Variants in SNTG2 observed in about 807,000 individuals in gnomAD.
SNTG2 encodes the protein gamma-2-syntrophin.
In SNTG2, 74 loss-of-function variants were observed where a neutral mutation model predicts 70.9. That is an observed-to-expected ratio of 1.04 (90% confidence interval 0.86 to 1.27). SNTG2 has a LOEUF of 1.27. Ranked by LOEUF, SNTG2 falls within the 50% of genes most tolerant of loss-of-function variation. The probability of loss-of-function intolerance (pLI) is 0.00; values close to 1 mark genes in which losing one functional copy is unlikely to be tolerated. For synonymous variants in SNTG2, 278 were observed against 273.8 expected (o/e 1.02, Z -0.15); for missense variants, 717 against 690.7 (o/e 1.04, Z -0.43).
chr2:996,878 T>G (rs1430706499), intron 1 of SNTG2, among the ~76,000 whole-genome samples: 1 of 152,012 alleles, frequency 6.6e-6, no homozygotes, highest in Non-Finnish European at 1.5e-5. Context: ...TTATTTAATA[T>G]TAATAATGTA....
At chr2:1,024,065 G>T (rs1350620370) in intron 1 of SNTG2, among the ~76,000 whole-genome samples, 1 of 152,198 alleles carries the variant, frequency 6.6e-6, no homozygotes, top group Non-Finnish European at 1.5e-5. Context: ...CAACAGTCCT[G>T]CTCTCGTGGA....
chr2:1,018,716 G>A (rs1360179454), intron 1 of SNTG2, among the ~76,000 whole-genome samples: 1 of 152,140 alleles, frequency 6.6e-6, no homozygotes, highest in Non-Finnish European at 1.5e-5. Context: ...GCCAATGCAT[G>A]CTCAAGTGGC....
Position 1,208,326 on chromosome 2 carries a change from T to C in SNTG2, c.592-777T>C, listed in dbSNP as rs891776176. On this transcript the variant is annotated intron_variant, in intron 8 of 16. Transcript: ENST00000308624. ...CATCTGTGTGAGGCACGTCCATGAGTGTGGGGCACACCTGTGAGGCGCGTT... is the reference window on the plus strand; with the variant it reads ...CATCTGTGTGAGGCACGTCCATGAGCGTGGGGCACACCTGTGAGGCGCGTT... Among the ~76,000 whole-genome samples the C allele has an allele frequency of 5.2e-5, 5 of 96,312 alleles. 1 individual carries two copies. Among genetic ancestry groups the C allele is most frequent in the African/African-American group, 1.9e-4 (5 of 26,528 alleles). 63.2% of individuals were successfully genotyped at this position (96,312 alleles called of 152,430 possible).
chr2:1,289,292 A>C (rs1195083621), intron 14 of SNTG2, among the ~76,000 whole-genome samples: 1 of 151,766 alleles, frequency 6.6e-6, no homozygotes, highest in African/African-American at 2.4e-5. Context: ...CACCTTCAAA[A>C]TGTCTCCTTC....
chr2:1,312,627 A>G (rs914982338), intron 15 of SNTG2, among the ~76,000 whole-genome samples: 1 of 152,126 alleles, frequency 6.6e-6, no homozygotes, highest in Non-Finnish European at 1.5e-5. Context: ...TCTTGGGGAC[A>G]CGTTGAAAAG....
At chr2:1,018,543 G>A (rs1020492206) in intron 1 of SNTG2, among the ~76,000 whole-genome samples, 39 of 152,116 alleles carry the variant, frequency 2.6e-4, no homozygotes, top group Non-Finnish European at 1.5e-4. Context: ...TGCATGGTGG[G>A]CAGGGTTGGG....
At chr2:1,197,549 G>GTGTATATGTATA (rs1553353498) in intron 8 of SNTG2, among the ~76,000 whole-genome samples, 2 of 138,622 alleles carry the variant, frequency 1.4e-5, no homozygotes, top group Non-Finnish European at 3.1e-5. Flanking sequence ...GTGTGTGTGT[G>GTGTATATGTATA]TATATTTGAT....
At position 1,267,508 on chromosome 2, in the gene SNTG2, C is replaced by T. The variant is rs371127892; in HGVS notation, c.1221C>T (p.Ser407=). 4.9e-5 allele frequency: 79 copies of T among 1,613,810 alleles called. 1 individual carries two copies. Among genetic ancestry groups the T allele is most frequent in the East Asian group, 2.7e-4 (12 of 44,868 alleles). The stretch of plus-strand genomic sequence containing the variant: ...ATGTTTTCAACGTGGAGCTTGGCAG[C>T]GAGCTGGCCATGTGGGAGAAGTCCT... ...KSHVFNVELG[S]ELAMWEKSFQ... Residue 407 remains serine, a synonymous_variant, in exon 14 of 17, where the codon AGC becomes AGT. Transcript: ENST00000308624.
At chr2:1,276,565 A>G (rs773097501) in intron 14 of SNTG2, among the ~76,000 whole-genome samples, 1 of 152,208 alleles carries the variant, frequency 6.6e-6, no homozygotes, top group South Asian at 2.1e-4. Flanking sequence ...CTTTCAAAAT[A>G]TTACAACTCA....
intron 1 of SNTG2, among the ~76,000 whole-genome samples, chr2:1,045,672 G>A (rs1433157723): frequency 6.6e-6 from 1 of 152,054 alleles, no homozygotes; most frequent in Non-Finnish European, 1.5e-5. Flanking sequence ...TTTAATTTCA[G>A]TGTAAGTGTA....
chr2:1,040,425 T>C (rs981619000), intron 1 of SNTG2, among the ~76,000 whole-genome samples: 6 of 152,152 alleles, frequency 3.9e-5, no homozygotes, highest in Non-Finnish European at 8.8e-5. Context: ...AGCTTTCCCC[T>C]TCCCGCCACC....
intron 16 of SNTG2, among the ~76,000 whole-genome samples, chr2:1,350,173 G>A (rs1203951889): frequency 1.3e-5 from 2 of 152,002 alleles, no homozygotes; most frequent in East Asian, 3.9e-4. Flanking sequence ...ATGCCTATTA[G>A]GATAATTATG....
intron 2 of SNTG2, among the ~76,000 whole-genome samples, chr2:1,084,819 T>A (rs903847553): frequency 1.3e-5 from 2 of 152,282 alleles, no homozygotes; most frequent in South Asian, 4.1e-4. Flanking sequence ...GATCACTGTG[T>A]CCTTGGGTGG....
At chr2:1,215,559 CTTTT>C (rs201938266) in intron 9 of SNTG2, among the ~76,000 whole-genome samples, 1 of 132,570 alleles carries the variant, frequency 7.5e-6, no homozygotes, top group Non-Finnish European at 1.6e-5. Flanking sequence ...TCTTTTTTTT[CTTTT>C]TTTTATTATA....
chr2:1,219,830 T>A (rs1674636123), intron 9 of SNTG2: 1 of 152,070 alleles, frequency 6.6e-6, no homozygotes, highest in African/African-American at 2.4e-5. Context: ...TTTTTAAAAA[T>A]ACAATGAAAT....
Position 1,349,454 on chromosome 2 carries a change from C to T in SNTG2, c.1489-17889C>T, listed in dbSNP as rs12622063. ...TTCAGGTTCCTACCACAATGCTAACCTTGTGGCCCTTCATTAATTATACAA... is the reference window on the plus strand; with the variant it reads ...TTCAGGTTCCTACCACAATGCTAACTTTGTGGCCCTTCATTAATTATACAA... On this transcript the variant is annotated intron_variant, in intron 16 of 16. Coordinates refer to ENST00000308624, the MANE Select transcript of SNTG2 (RefSeq NM_018968.4). Among the ~76,000 whole-genome samples the T allele has an allele frequency of 2.8e-4, 42 of 152,318 alleles. 2 individuals are homozygous for T. The East Asian group carries it at 8.1e-3, about 29-fold the overall frequency.
In SNTG2 at chr2:1,259,371, T is replaced by C; in HGVS notation, c.1007T>C (p.Val336Ala). ...TGGAACGTTCTCTGTTTCTTGCAGG[T>C]GAGCACATTCGATTGGGTGCGAGCA... ...PSFYVFSTPP[V>A]STFDWVRAER... The change falls in exon 13 of 17, where the codon GTG becomes GCG. Residue 336 changes from valine to alanine, a missense_variant and splice_region_variant. Transcript: ENST00000308624. 6.2e-7 allele frequency: 1 copy of C among 1,613,970 alleles called. No individual in the cohort carries two copies. The highest frequency in any genetic ancestry group is 8.5e-7 in the Non-Finnish European group (1 of 1,179,860).
chr2:1,224,166 C>T (rs1161266061), intron 9 of SNTG2, among the ~76,000 whole-genome samples: 1 of 152,188 alleles, frequency 6.6e-6, no homozygotes, highest in East Asian at 1.9e-4. Context: ...TCAAAGGCCC[C>T]ACCTTCCAAC....
rs2147934490 is a variant in SNTG2, at chr2:950,868, G to A, written c.-129G>A. 2 of 300,832 alleles carry A rather than the reference G, an allele frequency of 6.6e-6. 1 individual carries two copies. 18.6% of individuals were successfully genotyped at this position (300,832 alleles called of 1,614,324 possible). A position where few individuals can be genotyped will look rare whatever the true frequency, so the allele number is the denominator to read the frequency against. On this transcript the variant is annotated 5_prime_UTR_variant, in exon 1 of 17. Coordinates refer to ENST00000308624, the MANE Select transcript of SNTG2 (RefSeq NM_018968.4). The stretch of plus-strand genomic sequence containing the variant: ...TTCCCCAGCCCTGCGCCCCGGTGGA[G>A]CCCGAGCCGGAGCCGGCAGAGGGGC...
Sources: gnomAD v4.1 joint callset for allele counts (sites outside exome capture counted in the v4.1 genomes callset) on GRCh38, gnomAD v4.1.1 for gene constraint, MANE v1.5 for transcripts, NCBI Gene and HGNC (gene_info 2026-07-23, HGNC 2026-07-21) for gene names.